The following GSDMC variants were observed in gnomAD, a reference collection of about 807,000 sequenced individuals.
GSDMC encodes the protein gasdermin C, also known as gasdermin-C.
Under a neutral mutation model 58.0 loss-of-function variants are expected in GSDMC, and 59 were observed. The ratio of observed to expected loss-of-function variants is 1.02; its 90% CI spans 0.82 to 1.26. The LOEUF (loss-of-function observed/expected upper bound fraction) is 1.26, where lower values mean the gene tolerates loss of function less well. GSDMC is among the 50% of genes most tolerant of loss of function. The probability of loss-of-function intolerance (pLI) is 0.00; values close to 1 mark genes in which losing one functional copy is unlikely to be tolerated. For missense variants in GSDMC, 659 were observed against 598.5 expected (o/e 1.10, Z -1.06); for synonymous variants, 241 against 220.2 (o/e 1.09, Z -0.83).
At chr8:129,747,116 G>A (rs554155855), downstream of GSDMC, among the ~76,000 whole-genome samples, 60 of 151,886 alleles carry the variant, frequency 4.0e-4, no homozygotes, top group Non-Finnish European at 7.9e-4. Context: ...AATTAGCCGA[G>A]TGTGGTGGTA....
chr8:129,743,944 C>CTGA (rs1378957145), downstream of GSDMC, among the ~76,000 whole-genome samples: 1 of 152,208 alleles, frequency 6.6e-6, no homozygotes, highest in African/African-American at 2.4e-5. Context: ...CTACAGCTAG[C>CTGA]TGATAGCTTT....
chr8:129,766,314 C>T (rs1470840595), intron 3 of GSDMC, among the ~76,000 whole-genome samples: 1 of 152,166 alleles, frequency 6.6e-6, no homozygotes. Flanking sequence ...ATTGGTAGGG[C>T]TGACTTGATG....
Position 129,750,465 on chromosome 8 carries a change from C to CT in GSDMC, c.1048dup (p.Arg350LysfsTer42). 6.2e-7 allele frequency: 1 copy of CT among 1,614,124 alleles called. No individual in the cohort carries two copies. Among genetic ancestry groups the CT allele is most frequent in the Non-Finnish European group, 8.5e-7 (1 of 1,179,970 alleles). On this transcript the variant is annotated frameshift_variant, in exon 11 of 14. Coordinates refer to ENST00000276708, the MANE Select transcript of GSDMC (RefSeq NM_031415.3). LOFTEE classifies it high-confidence loss of function. ...CAGGTCCTGTAGAGCCCCTCTGTCT[C>CT]TGAGCATGGCCAGGATACTGTAGAA... is the stretch of plus-strand genomic sequence containing the variant.
intron 6 of GSDMC, 175 bp from the exon 7 acceptor site, chr8:129,752,995 T>A (rs2033277684): frequency 1.6e-6 from 2 of 1,219,154 alleles, no homozygotes; most frequent in Non-Finnish European, 2.2e-6. Flanking sequence ...AGAACTCAAG[T>A]TTCTTGGCAA....
the GSDMC span, among the ~76,000 whole-genome samples, chr8:129,711,449 T>C: frequency 1.3e-5 from 2 of 152,322 alleles, no homozygotes; most frequent in East Asian, 3.9e-4. Context: ...CAAAAGTCAG[T>C]TCCATTATCT....
At chr8:129,736,021 T>C in the GSDMC span, among the ~76,000 whole-genome samples, 1 of 152,114 alleles carries the variant, frequency 6.6e-6, no homozygotes, top group African/African-American at 2.4e-5. Flanking sequence ...GAGAATACTA[T>C]AAACACCTCT....
At chr8:129,768,885 G>A (rs1314430008) in intron 3 of GSDMC, among the ~76,000 whole-genome samples, 1 of 152,148 alleles carries the variant, frequency 6.6e-6, no homozygotes, top group African/African-American at 2.4e-5. Context: ...TTCAAAACCA[G>A]TCTGAGAATA....
At chr8:129,784,388 C>T (rs1379351161) in intron 1 of GSDMC, among the ~76,000 whole-genome samples, 3 of 151,808 alleles carry the variant, frequency 2.0e-5, no homozygotes, top group African/African-American at 7.3e-5. Context: ...GCCCACACAA[C>T]TCTATAGGAA....
At chr8:129,738,733 A>G in the GSDMC span, among the ~76,000 whole-genome samples, 1 of 152,194 alleles carries the variant, frequency 6.6e-6, no homozygotes, top group South Asian at 2.1e-4. Context: ...GCAGCACACC[A>G]ACATGGCTTA....
the GSDMC span, among the ~76,000 whole-genome samples, chr8:129,722,011 T>C: frequency 6.6e-6 from 1 of 152,080 alleles, no homozygotes; most frequent in Non-Finnish European, 1.5e-5. Flanking sequence ...TACCCTAAAC[T>C]GAGAAAGGAC....
chr8:129,784,059 A>G (rs1248737292), intron 1 of GSDMC, among the ~76,000 whole-genome samples: 1 of 152,178 alleles, frequency 6.6e-6, no homozygotes, highest in Non-Finnish European at 1.5e-5. Flanking sequence ...CTGAAACTAG[A>G]CCACTCTCTC....
At chr8:129,776,965 T>TAATAGAGA (rs1201457103) in intron 2 of GSDMC, among the ~76,000 whole-genome samples, 1 of 151,934 alleles carries the variant, frequency 6.6e-6, no homozygotes, top group Non-Finnish European at 1.5e-5. Context: ...AGACAGGGTT[T>TAATAGAGA]CAGCATGTTG....
At chr8:129,741,851 A>G in the GSDMC span, among the ~76,000 whole-genome samples, 29,786 of 150,660 alleles carry the variant, frequency 0.2, 3,488 homozygotes, top group Middle Eastern at 0.27. Flanking sequence ...TCATTGATGT[A>G]TTATTTACAA....
chr8:129,768,942 G>A (rs1426984334), intron 3 of GSDMC, among the ~76,000 whole-genome samples: 1 of 152,142 alleles, frequency 6.6e-6, no homozygotes, highest in Non-Finnish European at 1.5e-5. Flanking sequence ...AAGCAGGTTG[G>A]TGGCACACAC....
At chr8:129,776,432 T>C in intron 2 of GSDMC, 147 bp from the exon 3 acceptor site, 1 of 577,422 alleles carries the variant, frequency 1.7e-6, no homozygotes, top group Non-Finnish European at 3.0e-6. Flanking sequence ...TGTTGAAAAC[T>C]AATCCATTAA....
chr8:129,776,425 T>C, intron 2 of GSDMC, 140 bp from the exon 3 acceptor site: 2 of 585,190 alleles, frequency 3.4e-6, no homozygotes, highest in Non-Finnish European at 6.0e-6. Flanking sequence ...TAAACTCTGT[T>C]GAAAACTAAT....
intron 6 of GSDMC, among the ~76,000 whole-genome samples, chr8:129,755,331 GA>G (rs894966150): frequency 7.3e-5 from 11 of 150,592 alleles, no homozygotes; most frequent in East Asian, 1.9e-4. Context: ...AATTGCTGAA[GA>G]AAAAAAAACC....
intron 6 of GSDMC, among the ~76,000 whole-genome samples, chr8:129,754,697 C>T (rs1359414364): frequency 6.6e-6 from 1 of 152,056 alleles, no homozygotes; most frequent in Non-Finnish European, 1.5e-5. Context: ...TGAAGAAACT[C>T]AAAGGAATTC....
At chr8:129,713,213 C>G in the GSDMC span, among the ~76,000 whole-genome samples, 4 of 152,238 alleles carry the variant, frequency 2.6e-5, no homozygotes, top group Non-Finnish European at 5.9e-5. Context: ...CTGAACCTGA[C>G]AGAGATGTCT....
Sources: allele counts gnomAD v4.1 joint callset (sites outside exome capture counted in the v4.1 genomes callset), GRCh38; gene constraint gnomAD v4.1.1; transcripts MANE v1.5; gene names NCBI Gene and HGNC (gene_info 2026-07-23, HGNC 2026-07-21).